Variants in TTC21B observed in about 807,000 individuals in gnomAD.
TTC21B encodes the protein tetratricopeptide repeat domain 21B.
Under a neutral mutation model 175.1 loss-of-function variants are expected in TTC21B, and 127 were observed. The ratio of observed to expected loss-of-function variants is 0.73; its 90% confidence interval spans 0.63 to 0.84. The LOEUF is 0.84. TTC21B is among the 40% of genes least tolerant of loss of function. TTC21B has a pLI of 0.00. For synonymous variants in TTC21B, 524 were observed against 524.5 expected (o/e 1.00, Z 0.01); for missense variants, 1,561 against 1,558.3 (o/e 1.00, Z -0.03).
intron 22 of TTC21B, 143 bp from the exon 23 acceptor site, chr2:165,891,131 C>T: frequency 1.4e-6 from 1 of 727,418 alleles, no homozygotes; most frequent in Non-Finnish European, 2.2e-6. Context: ...GGTATAATTC[C>T]CTATAGAGGC....
At position 165,949,710 on chromosome 2, in the gene TTC21B, G is replaced by C. The variant is rs769095855; in HGVS notation, c.36C>G (p.Tyr12Ter). 8 of 1,611,222 alleles carry C rather than the reference G, an allele frequency of 5.0e-6. No homozygotes were observed. Among genetic ancestry groups the C allele is most frequent in the African/African-American group, 1.3e-5 (1 of 74,932 alleles). ...GATGGAAATATCTCTCTTGACAATA[G>C]TAATTAATCAAAGTCTAAATGGAAA... is the stretch of plus-strand genomic sequence containing the variant. ...DSQELKTLINYYCQERYFHHV... is the reference protein window; with the variant it reads ...DSQELKTLIN Residue 12 changes from tyrosine (Y) to a stop codon, truncating the protein, a stop_gained, in exon 2 of 29, where the codon TAC (tyrosine) becomes TAG (stop). Coordinates refer to ENST00000243344, the MANE Select transcript of TTC21B (RefSeq NM_024753.5). LOFTEE classifies it high-confidence loss of function.
At chr2:165,915,180 T>A in intron 15 of TTC21B, 21 bp downstream of exon 15, 1 of 1,586,540 alleles carries the variant, frequency 6.3e-7, no homozygotes, top group Non-Finnish European at 8.7e-7. Context: ...CAAAATATAA[T>A]GGGTTAAGAC....
chr2:165,940,501 T>C (rs913545194), intron 6 of TTC21B, among the ~76,000 whole-genome samples: 8 of 152,138 alleles, frequency 5.3e-5, no homozygotes, highest in Admixed American at 3.3e-4. Flanking sequence ...TCCTCAAACA[T>C]ATGACATGTG....
intron 27 of TTC21B, among the ~76,000 whole-genome samples, chr2:165,880,259 A>G (rs1684795833): frequency 6.6e-6 from 1 of 152,194 alleles, no homozygotes. Context: ...TGTGGGAAAC[A>G]TGGCCCCTCT....
intron 19 of TTC21B, among the ~76,000 whole-genome samples, chr2:165,905,721 A>G (rs1377717232): frequency 1.3e-5 from 2 of 152,212 alleles, no homozygotes; most frequent in Non-Finnish European, 2.9e-5. Flanking sequence ...CACCCCTCTC[A>G]TACAAATAGA....
At chr2:165,912,305 C>G (rs1390721025) in intron 17 of TTC21B, among the ~76,000 whole-genome samples, 1 of 152,126 alleles carries the variant, frequency 6.6e-6, no homozygotes, top group Non-Finnish European at 1.5e-5. Flanking sequence ...CAAGATGAAG[C>G]AAGGTCTAGG....
intron 22 of TTC21B, among the ~76,000 whole-genome samples, chr2:165,895,709 G>A (rs1348766453): frequency 6.6e-6 from 1 of 152,076 alleles, no homozygotes; most frequent in African/African-American, 2.4e-5. Flanking sequence ...CAATGTGGGT[G>A]GCAAGATGAG....
intron 3 of TTC21B, chr2:165,947,633 C>T (rs1687629907): frequency 1.3e-5 from 2 of 152,112 alleles, no homozygotes; most frequent in Non-Finnish European, 2.9e-5. Flanking sequence ...TCCATCACGT[C>T]CCTAATGAGG....
chr2:165,912,444 T>C (rs1286100171), intron 17 of TTC21B, 70 bp downstream of exon 17: 5 of 1,220,108 alleles, frequency 4.1e-6, no homozygotes, highest in Non-Finnish European at 6.1e-6. Context: ...TGGTGCTCGC[T>C]GAAGCTTCTC....
intron 18 of TTC21B, among the ~76,000 whole-genome samples, chr2:165,910,499 C>G (rs961789931): frequency 2.0e-5 from 3 of 152,190 alleles, no homozygotes; most frequent in East Asian, 3.9e-4. Flanking sequence ...AAATCTCCAG[C>G]TCAGCACCCT....
chr2:165,945,527 T>A lies in TTC21B; in HGVS notation c.426A>T (p.Lys142Asn). Residue 142 changes from lysine (K) to asparagine (N), a missense_variant, in exon 4 of 29, where the codon AAA becomes AAT. Lys to Asn is a moderately conservative substitution (Grantham distance 94). Transcript: ENST00000243344. ...TTAAACTCAGAAAAATAGCTACCTGTTTACTACCATCTGATATTTTGATCA... is the reference window on the plus strand; with the variant it reads ...TTAAACTCAGAAAAATAGCTACCTGATTACTACCATCTGATATTTTGATCA... ...DRMIKISDGS[K>N]QGHVLKAWLD... is the part of the protein sequence containing the mutation. 1 of 1,613,030 alleles carries A rather than the reference T, an allele frequency of 6.2e-7. No homozygotes were observed. The highest frequency in any genetic ancestry group is 8.5e-7 in the Non-Finnish European group (1 of 1,179,734).
rs755056642 is a variant in TTC21B at position 165,917,412 on chromosome 2, C to T, written c.1744G>A (p.Ala582Thr). The T allele has an allele frequency of 2.2e-5, 35 of 1,613,962 alleles. No homozygotes were observed. Among genetic ancestry groups the T allele is most frequent in the East Asian group, 4.5e-5 (2 of 44,880 alleles). Residue 582 changes from alanine to threonine, a missense_variant, in exon 14 of 29, where the codon GCA becomes ACA. Coordinates refer to ENST00000243344, the MANE Select transcript of TTC21B (RefSeq NM_024753.5). ...SQKKMGEIADAIKTLHMAMSL... is the reference protein window; with the variant it reads ...SQKKMGEIADTIKTLHMAMSL... Reference sequence around the variant, plus strand: ...ATTGCCATATGCAGTGTTTTAATTGCGTCTGCTATTTCTCCCATTTTCTTT... The same window carrying T: ...ATTGCCATATGCAGTGTTTTAATTGTGTCTGCTATTTCTCCCATTTTCTTT...
At chr2:165,945,430 C>A (rs1438004831) in intron 4 of TTC21B, 94 bp downstream of exon 4, 4 of 1,218,258 alleles carry the variant, frequency 3.3e-6, no homozygotes, top group Non-Finnish European at 4.7e-6. Context: ...ATAGAGTGAA[C>A]AATAATAAAG....
intron 8 of TTC21B, among the ~76,000 whole-genome samples, chr2:165,930,731 G>GT (rs1278582594): frequency 0.22 from 11,343 of 51,328 alleles, 1,731 homozygotes; most frequent in Non-Finnish European, 0.25. Flanking sequence ...GTGGGTATGG[G>GT]GGTGTGTGTG....
At chr2:165,907,097 T>C (rs2105312843) in intron 19 of TTC21B, among the ~76,000 whole-genome samples, 1 of 152,246 alleles carries the variant, frequency 6.6e-6, no homozygotes, top group East Asian at 1.9e-4. Flanking sequence ...GTGACATTTA[T>C]TTCAGAGATA....
At chr2:165,933,963 A>ATTCCCC (rs1687011932) in intron 6 of TTC21B, 3 of 152,156 alleles carry the variant, frequency 2.0e-5, no homozygotes, top group Admixed American at 6.6e-5. Context: ...ATTGGAGGTG[A>ATTCCCC]CAAGAGTCCA....
chr2:165,907,917 A>C, intron 18 of TTC21B, 133 bp from the exon 19 acceptor site: 1 of 629,028 alleles, frequency 1.6e-6, no homozygotes, highest in South Asian at 1.9e-5. Flanking sequence ...AATTTTCTCA[A>C]TCAGTTGCCT....
chr2:165,926,005 GCAGA>G (rs996103354), intron 11 of TTC21B, among the ~76,000 whole-genome samples: 5 of 152,126 alleles, frequency 3.3e-5, no homozygotes, highest in African/African-American at 9.7e-5. Flanking sequence ...AAATAGTTAT[GCAGA>G]CAATCTTTAA....
intron 5 of TTC21B, among the ~76,000 whole-genome samples, chr2:165,942,542 C>G (rs555696463): frequency 9.8e-4 from 149 of 152,232 alleles, no homozygotes; most frequent in African/African-American, 3.4e-3. Context: ...TCCTCCTCAC[C>G]CCCATCCCAC....
Sources: gnomAD v4.1 joint callset for allele counts (sites outside exome capture counted in the v4.1 genomes callset) on GRCh38, gnomAD v4.1.1 for gene constraint, MANE v1.5 for transcripts, NCBI Gene and HGNC (gene_info 2026-07-23, HGNC 2026-07-21) for gene names.